Variants in ATP13A3 observed in about 807,000 individuals in gnomAD.
ATP13A3 encodes the protein polyamine-transporting ATPase 13A3.
In ATP13A3, 59 loss-of-function variants were observed where a neutral mutation model predicts 158.1. The observed-to-expected ratio is 0.37, with a 90% CI of 0.30 to 0.46. The LOEUF (loss-of-function observed/expected upper bound fraction) is 0.46, where lower values mean the gene tolerates loss of function less well. ATP13A3 is among the 20% of genes least tolerant of loss of function. The pLI, the probability that ATP13A3 is intolerant of heterozygous loss-of-function variation, is 1.00. For synonymous variants in ATP13A3, 491 were observed against 504.3 expected, an observed-to-expected ratio of 0.97 and a Z score of 0.35; for missense variants, 1,166 against 1,525.2, an observed-to-expected ratio of 0.76 and a Z score of 3.92.
chr3:194,459,939 A>C lies in ATP13A3; in HGVS notation c.258T>G (p.Ile86Met). 1 of 1,613,100 alleles carries C rather than the reference A, an allele frequency of 6.2e-7. No homozygotes were observed. Among genetic ancestry groups the C allele is most frequent in the Non-Finnish European group, 8.5e-7 (1 of 1,179,450 alleles). Residue 86 changes from isoleucine (I) to methionine (M), a missense_variant, in exon 5 of 34, where the codon ATT (isoleucine) becomes ATG (methionine). Around this residue, in one of 3 missense-constraint regions of ATP13A3, gnomAD observed 104 missense variants for 91.7 expected, o/e 1.13. Coordinates refer to ENST00000645319, the MANE Select transcript of ATP13A3 (RefSeq NM_001367549.1). ...GGTAAGTTTCCAAAGAAAGAACGCG[A>C]ATTTTTGCACAAAACCACATTTTGA... is the stretch of plus-strand genomic sequence containing the variant. ...DEFKMWFCAK[I>M]RVLSLETYPV...
In ATP13A3 at chr3:194,427,193, A is replaced by G. The variant is rs1316036912; in HGVS notation, c.3007T>C (p.Ser1003Pro). The G allele has an allele frequency of 6.2e-7, 1 of 1,613,610 alleles. No individual in the cohort carries two copies. The highest frequency in any genetic ancestry group is 1.1e-5 in the South Asian group (1 of 90,896). The stretch of plus-strand genomic sequence containing the variant: ...AAAACGGAGAAGAGAAGGGCCCCAG[A>G]TATAAGACCCGAAGGTGGTCTTTGT... Reference protein sequence around the residue: ...VAQRPPSGLISGALLFSVLSQ... With the variant: ...VAQRPPSGLIPGALLFSVLSQ... Residue 1003 changes from serine (S) to proline (P), a missense_variant, in exon 29 of 34, where the codon TCT becomes CCT. Transcript: ENST00000645319.
intron 27 of ATP13A3, among the ~76,000 whole-genome samples, chr3:194,429,455 T>C (rs1717058803): frequency 6.6e-6 from 1 of 152,220 alleles, no homozygotes; most frequent in Non-Finnish European, 1.5e-5. Flanking sequence ...TTTCTCCAAA[T>C]GCAAACCATT....
chr3:194,484,477 T>C (rs938840551), intron 2 of ATP13A3, among the ~76,000 whole-genome samples: 1 of 152,200 alleles, frequency 6.6e-6, no homozygotes, highest in African/African-American at 2.4e-5. Flanking sequence ...TCTTAGGACA[T>C]AGGCACTATA....
intron 6 of ATP13A3, 120 bp downstream of exon 6, chr3:194,459,351 G>A (rs555769670): frequency 8.1e-5 from 59 of 727,754 alleles, no homozygotes; most frequent in Middle Eastern, 3.8e-4. Flanking sequence ...TAATTAATAC[G>A]TGAATAGAAA....
chr3:194,451,213 A>G (rs568665089), intron 10 of ATP13A3: 1 of 152,336 alleles, frequency 6.6e-6, no homozygotes, highest in African/African-American at 2.4e-5. Flanking sequence ...AACAACTTTT[A>G]AAGAATGACA....
intron 7 of ATP13A3, among the ~76,000 whole-genome samples, chr3:194,456,328 ATT>A (rs35825895): frequency 0.11 from 16,187 of 149,638 alleles, 1,095 homozygotes; most frequent in South Asian, 0.26. Flanking sequence ...GAGGGATCTT[ATT>A]TTTTTTTTAA....
At chr3:194,455,465 G>A (rs546778999) in intron 8 of ATP13A3, among the ~76,000 whole-genome samples, 104 of 152,304 alleles carry the variant, frequency 6.8e-4, no homozygotes, top group African/African-American at 2.4e-3. Context: ...ATCAGAGCTA[G>A]TTACTGATGG....
At position 194,429,746 on chromosome 3, in the gene ATP13A3, A is replaced by G. The variant is rs1468501406; in HGVS notation, c.2806T>C (p.Phe936Leu). Residue 936 changes from phenylalanine (F) to leucine (L), a missense_variant, in exon 27 of 34, where the codon TTC (phenylalanine) becomes CTC (leucine). Phe to Leu is a conservative substitution (Grantham distance 22). This residue lies in a region of ATP13A3 where 997 missense variants were observed against 1,341.2 expected (regional missense o/e 0.74). Transcript: ENST00000645319. Reference protein sequence around the residue: ...REGRAALITSFCVFKFMALYS... With the variant: ...REGRAALITSLCVFKFMALYS... Reference sequence around the variant, plus strand: ...AATGCCATGAATTTAAACACACAGAAGGAAGTTATTAAAGCAGCACGGCCT... The same window carrying G: ...AATGCCATGAATTTAAACACACAGAGGGAAGTTATTAAAGCAGCACGGCCT... 6.2e-7 allele frequency: 1 copy of G among 1,613,944 alleles called. No homozygotes were observed. The highest frequency in any genetic ancestry group is 8.5e-7 in the Non-Finnish European group (1 of 1,179,940).
rs1330619114 is a variant in ATP13A3 at position 194,437,342 on chromosome 3, C to T, written c.1968G>A (p.Glu656=). 1 of 1,614,154 alleles carries T rather than the reference C, an allele frequency of 6.2e-7. No homozygotes were observed. The highest frequency in any genetic ancestry group is 8.5e-7 in the Non-Finnish European group (1 of 1,180,028). The change falls in exon 19 of 34, where the codon GAG becomes GAA. Residue 656 remains glutamate, a synonymous_variant. Transcript: ENST00000645319. ...CAGGTTTACAGAGACCGGCAATGGC[C>T]TCGGGCGCTCCTTTCATGTAGGCGT... is the stretch of plus-strand genomic sequence containing the variant. ...KMDAYMKGAP[E]AIAGLCKPET...
At position 194,454,594 on chromosome 3, in the gene ATP13A3, C is replaced by T. The variant is rs545055676; in HGVS notation, c.631-202G>A. Among the ~76,000 whole-genome samples the T allele has an allele frequency of 9.3e-5, 14 of 151,168 alleles. No individual in the cohort carries two copies. The Middle Eastern group carries it at 0.01, about 112-fold the overall frequency. On this transcript the variant is annotated intron_variant, in intron 8 of 33. Coordinates refer to ENST00000645319, the MANE Select transcript of ATP13A3 (RefSeq NM_001367549.1). ...CTGTAATCCCAGCACTTTGGGAGGC[C>T]AAGGCGGGCGGATCATGAGGTCAGG...
At position 194,425,386 on chromosome 3, in the gene ATP13A3, G is replaced by A; in HGVS notation, c.3269C>T (p.Ala1090Val). Reference protein sequence around the residue: ...SSFQYLIVAIAFSKGKPFRQP... With the variant: ...SSFQYLIVAIVFSKGKPFRQP... ...CCTGAAGGGTTTTCCTTTTGAAAAGGCAATTGCCACTATGAGGTACTGAAA... is the reference window on the plus strand; with the variant it reads ...CCTGAAGGGTTTTCCTTTTGAAAAGACAATTGCCACTATGAGGTACTGAAA... The change falls in exon 30 of 34, where the codon GCC (alanine) becomes GTC (valine). Residue 1090 changes from alanine (A) to valine (V), a missense_variant. Ala to Val is a moderately conservative substitution (Grantham distance 64, BLOSUM62 0). Transcript: ENST00000645319. The A allele has an allele frequency of 6.2e-7, 1 of 1,612,522 alleles. No individual in the cohort carries two copies. The highest frequency in any genetic ancestry group is 8.5e-7 in the Non-Finnish European group (1 of 1,179,596).
intron 10 of ATP13A3, chr3:194,452,423 C>G (rs1204886320): frequency 6.6e-6 from 1 of 152,096 alleles, no homozygotes; most frequent in African/African-American, 2.4e-5. Context: ...ACCTGGGAGG[C>G]GGAGGTTGCA....
chr3:194,460,617 A>G, intron 4 of ATP13A3, 41 bp downstream of exon 4: 1 of 1,587,480 alleles, frequency 6.3e-7, no homozygotes, highest in South Asian at 1.1e-5. Flanking sequence ...ACATTGTTTT[A>G]CTCCTTAAAT....
At chr3:194,434,645 TG>T (rs1370952128) in intron 20 of ATP13A3, among the ~76,000 whole-genome samples, 1 of 152,150 alleles carries the variant, frequency 6.6e-6, no homozygotes, top group African/African-American at 2.4e-5. Flanking sequence ...GGTCAGGCAT[TG>T]TAGCTCATGC....
At chr3:194,438,394 C>A (rs1383153916) in intron 17 of ATP13A3, among the ~76,000 whole-genome samples, 1 of 152,110 alleles carries the variant, frequency 6.6e-6, no homozygotes, top group East Asian at 1.9e-4. Context: ...TAAAGCCTTT[C>A]ATACATACTT....
intron 2 of ATP13A3, among the ~76,000 whole-genome samples, chr3:194,470,559 G>A (rs1327914031): frequency 3.9e-5 from 6 of 151,926 alleles, no homozygotes; most frequent in Non-Finnish European, 8.8e-5. Flanking sequence ...CAAATGATAC[G>A]TGCATTTTAC....
intron 2 of ATP13A3, among the ~76,000 whole-genome samples, chr3:194,493,817 A>G (rs1721173443): frequency 6.6e-6 from 1 of 152,180 alleles, no homozygotes; most frequent in African/African-American, 2.4e-5. Context: ...CGATGCCAAC[A>G]CTAAAAGTAG....
chr3:194,459,937 C>T lies in ATP13A3; in HGVS notation c.260G>A (p.Arg87His), dbSNP rs200264100. Residue 87 changes from arginine (R) to histidine (H), a missense_variant, in exon 5 of 34, where the codon CGC (arginine) becomes CAC (histidine). This residue lies in a region of ATP13A3 where 104 missense variants were observed against 91.7 expected (regional missense o/e 1.13). Coordinates refer to ENST00000645319, the MANE Select transcript of ATP13A3 (RefSeq NM_001367549.1). Reference sequence around the variant, plus strand: ...TGGGTAAGTTTCCAAAGAAAGAACGCGAATTTTTGCACAAAACCACATTTT... The same window carrying T: ...TGGGTAAGTTTCCAAAGAAAGAACGTGAATTTTTGCACAAAACCACATTTT... ...EFKMWFCAKIRVLSLETYPVS... is the reference protein window; with the variant it reads ...EFKMWFCAKIHVLSLETYPVS... 4.7e-5 allele frequency: 75 copies of T among 1,612,354 alleles called. No individual in the cohort carries two copies. In the East Asian group the frequency reaches 5.8e-4, roughly 12 times the overall value.
At chr3:194,461,729 C>T (rs556897130) in intron 3 of ATP13A3, among the ~76,000 whole-genome samples, 1 of 152,246 alleles carries the variant, frequency 6.6e-6, no homozygotes, top group South Asian at 2.1e-4. Context: ...TTATACTTCA[C>T]CTGACATCTT....
Sources: gnomAD v4.1 joint callset for allele counts (sites outside exome capture counted in the v4.1 genomes callset) on GRCh38, gnomAD v4.1.1 for gene constraint, gnomAD v4.1.1 regional missense constraint, MANE v1.5 for transcripts, NCBI Gene and HGNC (gene_info 2026-07-23, HGNC 2026-07-21) for gene names.